GABBR2: variants seen among roughly 807,000 people sequenced by gnomAD.
GABBR2 encodes gamma-aminobutyric acid type B receptor subunit 2.
A neutral mutation model predicts 105.6 loss-of-function variants in GABBR2; 23 were observed. That is an observed-to-expected ratio of 0.22 (90% CI 0.16 to 0.31). The LOEUF (loss-of-function observed/expected upper bound fraction) is 0.31, where lower values mean the gene tolerates loss of function less well. Ranked by LOEUF, GABBR2 falls within the 10% of genes least tolerant of loss-of-function variation. The probability of loss-of-function intolerance (pLI) is 1.00; values close to 1 mark genes in which losing one functional copy is unlikely to be tolerated. For synonymous variants in GABBR2, 478 were observed against 499.7 expected (o/e 0.96, Z 0.58); for missense variants, 734 against 1,245.5 (o/e 0.59, Z 6.18).
chr9:98,443,484 A>G (rs1826069088), intron 7 of GABBR2, among the ~76,000 whole-genome samples: 1 of 152,184 alleles, frequency 6.6e-6, no homozygotes, highest in Non-Finnish European at 1.5e-5. Flanking sequence ...GTCATTTGTA[A>G]TTGTATTTAA....
At chr9:98,579,602 A>G (rs1413031313) in intron 1 of GABBR2, among the ~76,000 whole-genome samples, 1 of 152,208 alleles carries the variant, frequency 6.6e-6, no homozygotes, top group Non-Finnish European at 1.5e-5. Context: ...CTATCACAAT[A>G]TAACTCTCAA....
intron 17 of GABBR2, among the ~76,000 whole-genome samples, chr9:98,297,099 A>C (rs916618245): frequency 1.3e-5 from 2 of 152,172 alleles, no homozygotes; most frequent in Admixed American, 6.5e-5. Flanking sequence ...ATTCTCCTCC[A>C]GATGCCTACC....
intron 1 of GABBR2, among the ~76,000 whole-genome samples, chr9:98,680,269 A>T (rs971921886): frequency 2.6e-5 from 4 of 152,108 alleles, no homozygotes; most frequent in Non-Finnish European, 5.9e-5. Context: ...CCAAATTCCA[A>T]CCAAAATACT....
At chr9:98,509,797 G>A (rs1015105980) in intron 3 of GABBR2, among the ~76,000 whole-genome samples, 1 of 152,228 alleles carries the variant, frequency 6.6e-6, no homozygotes, top group African/African-American at 2.4e-5. Flanking sequence ...TGTCTGATTG[G>A]TGTACCTGAA....
intron 1 of GABBR2, among the ~76,000 whole-genome samples, chr9:98,692,218 G>C (rs921246535): frequency 2.6e-5 from 4 of 152,148 alleles, no homozygotes; most frequent in African/African-American, 9.7e-5. Flanking sequence ...TCACACCCGA[G>C]TCAAGTTTGG....
chr9:98,657,334 G>T (rs574688963), intron 1 of GABBR2, among the ~76,000 whole-genome samples: 1 of 152,168 alleles, frequency 6.6e-6, no homozygotes, highest in Admixed American at 6.5e-5. Context: ...AAACCAAGAA[G>T]ACTGTACGTT....
chr9:98,433,082 C>T (rs572590892), intron 7 of GABBR2, among the ~76,000 whole-genome samples: 6 of 152,346 alleles, frequency 3.9e-5, no homozygotes, highest in African/African-American at 1.4e-4. Context: ...GGTCATTAAA[C>T]ATGAATTACT....
chr9:98,337,089 G>A (rs1026517909), intron 13 of GABBR2, among the ~76,000 whole-genome samples: 2 of 152,068 alleles, frequency 1.3e-5, no homozygotes, highest in African/African-American at 4.8e-5. Flanking sequence ...TGGATTACCT[G>A]AGGTCAGGAG....
intron 2 of GABBR2, among the ~76,000 whole-genome samples, chr9:98,560,087 C>T (rs1371729172): frequency 6.6e-6 from 1 of 151,728 alleles, no homozygotes; most frequent in Non-Finnish European, 1.5e-5. Context: ...ATAAGGATGG[C>T]ATGGAACAGA....
intron 1 of GABBR2, among the ~76,000 whole-genome samples, chr9:98,641,188 C>T (rs1391025647): frequency 2.0e-5 from 3 of 150,238 alleles, no homozygotes; most frequent in Non-Finnish European, 4.4e-5. Flanking sequence ...GGCTGGAGTG[C>T]AGTGGCACGA....
chr9:98,617,232 C>T (rs528453813), intron 1 of GABBR2, among the ~76,000 whole-genome samples: 3 of 152,262 alleles, frequency 2.0e-5, no homozygotes, highest in South Asian at 2.1e-4. Flanking sequence ...CACTGGGTGC[C>T]GGCTCTGGGT....
chr9:98,447,456 A>C (rs922487468), intron 7 of GABBR2, among the ~76,000 whole-genome samples: 7 of 152,086 alleles, frequency 4.6e-5, no homozygotes, highest in African/African-American at 1.7e-4. Context: ...TCTACATTGG[A>C]AAGTAAAACC....
intron 13 of GABBR2, among the ~76,000 whole-genome samples, chr9:98,327,896 T>C (rs992455199): frequency 6.6e-6 from 1 of 151,042 alleles, no homozygotes; most frequent in Non-Finnish European, 1.5e-5. Flanking sequence ...AAAATAAAAC[T>C]GCAGAACTTT....
intron 3 of GABBR2, among the ~76,000 whole-genome samples, chr9:98,519,489 C>A (rs545277949): frequency 1.3e-5 from 2 of 152,230 alleles, no homozygotes; most frequent in African/African-American, 4.8e-5. Flanking sequence ...TTACTGAGTG[C>A]CTGTCATATG....
intron 13 of GABBR2, among the ~76,000 whole-genome samples, chr9:98,357,018 G>A (rs146348291): frequency 1.3e-3 from 193 of 152,310 alleles, no homozygotes; most frequent in Non-Finnish European, 2.4e-3. Context: ...CTATGGATCC[G>A]TGGTTGTCAA....
At chr9:98,630,719 A>G (rs1176192937) in intron 1 of GABBR2, among the ~76,000 whole-genome samples, 1 of 152,186 alleles carries the variant, frequency 6.6e-6, no homozygotes, top group Non-Finnish European at 1.5e-5. Flanking sequence ...AAAGGAAAGG[A>G]GTCAGTGTGA....
At chr9:98,435,453 C>T (rs541225564) in intron 7 of GABBR2, among the ~76,000 whole-genome samples, 2 of 152,300 alleles carry the variant, frequency 1.3e-5, no homozygotes, top group South Asian at 4.1e-4. Flanking sequence ...TTGAATCCAT[C>T]CACTCCTCTC....
At chr9:98,645,261 T>C (rs1228090995) in intron 1 of GABBR2, among the ~76,000 whole-genome samples, 1 of 152,154 alleles carries the variant, frequency 6.6e-6, no homozygotes, top group Non-Finnish European at 1.5e-5. Context: ...CAGCATGTAG[T>C]GAATCTACTT....
chr9:98,407,499 A>C lies in GABBR2; in HGVS notation c.1237-1358T>G, dbSNP rs148411823. Among the ~76,000 whole-genome samples, 291 of 152,344 alleles carry C rather than the reference A, an allele frequency of 1.9e-3. 1 individual carries two copies. Among genetic ancestry groups the C allele is most frequent in the African/African-American group, 6.4e-3 (266 of 41,590 alleles). The stretch of plus-strand genomic sequence containing the variant: ...CTCCCTGGAGTGTGAAAACACTTCA[A>C]CCAAGGTGAGACAGGAGCTGTGATT... On this transcript the variant is annotated intron_variant, in intron 7 of 18. Coordinates refer to ENST00000259455, the MANE Select transcript of GABBR2 (RefSeq NM_005458.8).
Sources: allele counts gnomAD v4.1 joint callset (sites outside exome capture counted in the v4.1 genomes callset), GRCh38; gene constraint gnomAD v4.1.1; transcripts MANE v1.5; gene names NCBI Gene and HGNC (gene_info 2026-07-23, HGNC 2026-07-21).